The following SYMPK variants were observed in gnomAD, a reference collection of about 807,000 sequenced individuals.
SYMPK encodes symplekin scaffold protein.
SYMPK carries 49 observed loss-of-function variants against 136.4 expected under a neutral mutation model. That is an observed-to-expected ratio of 0.36 (90% confidence interval 0.29 to 0.46). The LOEUF (loss-of-function observed/expected upper bound fraction) is 0.46, where lower values mean the gene tolerates loss of function less well. Ranked by LOEUF, SYMPK falls within the 20% of genes least tolerant of loss-of-function variation. The pLI, the probability that SYMPK is intolerant of heterozygous loss-of-function variation, is 1.00. For synonymous variants in SYMPK, 766 were observed against 713.0 expected (o/e 1.07, Z -1.19); for missense variants, 1,365 against 1,690.0 (o/e 0.81, Z 3.37).
At chr19:45,839,441 A>G (rs1163367106) in intron 9 of SYMPK, among the ~76,000 whole-genome samples, 2 of 152,202 alleles carry the variant, frequency 1.3e-5, no homozygotes, top group East Asian at 1.9e-4. Flanking sequence ...GGGAAGAAGA[A>G]GAGAAAGTTC....
intron 23 of SYMPK, 43 bp from the exon 24 acceptor site, chr19:45,817,017 C>A (rs1404623589): frequency 6.5e-6 from 10 of 1,538,466 alleles, no homozygotes; most frequent in East Asian, 4.9e-5. Flanking sequence ...GGCACACAGG[C>A]ATCCCCCCGA....
At position 45,816,886 on chromosome 19, in the gene SYMPK, G is replaced by A; in HGVS notation, c.3170C>T (p.Pro1057Leu). Residue 1057 changes from proline (P) to leucine (L), a missense_variant, in exon 24 of 27, where the codon CCG (proline) becomes CTG (leucine). By Grantham distance (98) the Pro-to-Leu change is moderately conservative. This residue lies in a region of SYMPK where 156 missense variants were observed against 217.8 expected (regional missense o/e 0.72). Transcript: ENST00000245934. The part of the protein sequence containing the change: ...PQSFQVILQL[P>L]PQQLGAVFDK... ...AAAGACGGCTCCCAGCTGCTGGGGC[G>A]GCAGCTGCAGGATGACCTGGAAGCT... is the stretch of plus-strand genomic sequence containing the variant. The A allele has an allele frequency of 6.4e-6, 10 of 1,551,508 alleles. No homozygotes were observed. Among genetic ancestry groups the A allele is most frequent in the South Asian group, 1.2e-5 (1 of 84,142 alleles).
chr19:45,857,219 C>T (rs1042425271), intron 1 of SYMPK, among the ~76,000 whole-genome samples: 2 of 151,416 alleles, frequency 1.3e-5, no homozygotes, highest in Non-Finnish European at 2.9e-5. Context: ...ACCATCCTGG[C>T]TAACAAGGTG....
chr19:45,842,276 T>C lies in SYMPK; in HGVS notation c.1061A>G (p.Asp354Gly), dbSNP rs1971458295. ...CAGCTTCATCTTCTTGAGTGTGGAG[T>C]CCGAGTCATCGCGGGGCCGCTTGCG... ...DTRKRPRDDS[D>G]STLKKMKLEP... The change falls in exon 9 of 27, where the codon GAC (aspartate) becomes GGC (glycine). Residue 354 changes from aspartate to glycine, a missense_variant. Transcript: ENST00000245934. The C allele has an allele frequency of 1.2e-6, 2 of 1,614,022 alleles. No homozygotes were observed. Among genetic ancestry groups the C allele is most frequent in the Non-Finnish European group, 1.7e-6 (2 of 1,180,036 alleles).
Position 45,851,201 on chromosome 19 carries a change from C to T in SYMPK, c.299+1111G>A, listed in dbSNP as rs140493355. ...CAAGAGTGGAAGCGGGAAATGAGTG[C>T]GGTGATTCCTCTTTGGGGGATGAAA... On this transcript the variant is annotated intron_variant, in intron 5 of 26. Coordinates refer to ENST00000245934, the MANE Select transcript of SYMPK (RefSeq NM_004819.3). 9.0e-3 allele frequency among the ~76,000 whole-genome samples: 1,375 copies of T among 152,230 alleles called. 12 individuals are homozygous for T. Among genetic ancestry groups the T allele is most frequent in the Non-Finnish European group, 0.015 (1,040 of 68,008 alleles).
chr19:45,856,902 A>T (rs1214575896), intron 1 of SYMPK, among the ~76,000 whole-genome samples: 1 of 152,064 alleles, frequency 6.6e-6, no homozygotes, highest in East Asian at 1.9e-4. Context: ...AGAACACCTG[A>T]GGTCAGGAGT....
In SYMPK at chr19:45,859,766, G is replaced by A. The variant is rs141969724; in HGVS notation, c.-13+3292C>T. Among the ~76,000 whole-genome samples, 107 of 151,816 alleles carry A rather than the reference G, an allele frequency of 7.0e-4. 2 individuals carry two copies. The East Asian group carries it at 0.02, about 28-fold the overall frequency. On this transcript the variant is annotated intron_variant, in intron 1 of 26. Transcript: ENST00000245934. Reference sequence around the variant, plus strand: ...CCTAAAAACTAAAAAAGAAGGCCAGGTGCAGGGGTTCATGCCTATAATCCC... The same window carrying A: ...CCTAAAAACTAAAAAAGAAGGCCAGATGCAGGGGTTCATGCCTATAATCCC...
At chr19:45,825,719 CCATTCTAA>C (rs977287547) in intron 17 of SYMPK, among the ~76,000 whole-genome samples, 2 of 152,174 alleles carry the variant, frequency 1.3e-5, no homozygotes, top group African/African-American at 4.8e-5. Flanking sequence ...GGTCACATAC[CCATTCTAA>C]CAGTCCCGAG....
chr19:45,848,928 T>TAGG, intron 5 of SYMPK, 52 bp from the exon 6 acceptor site: 1 of 1,610,434 alleles, frequency 6.2e-7, no homozygotes, highest in Non-Finnish European at 8.5e-7. Flanking sequence ...TTAGAGCAAG[T>TAGG]AGGAGGAGCC....
intron 10 of SYMPK, among the ~76,000 whole-genome samples, chr19:45,836,587 C>A (rs545846334): frequency 1.3e-5 from 2 of 151,472 alleles, no homozygotes; most frequent in South Asian, 2.1e-4. Context: ...GCTGAGACTG[C>A]GCCACTACAC....
chr19:45,818,730 C>T (rs1474656741), intron 22 of SYMPK, among the ~76,000 whole-genome samples: 3 of 152,094 alleles, frequency 2.0e-5, no homozygotes, highest in South Asian at 4.1e-4. Flanking sequence ...GATGACCCCC[C>T]GACTCAACAC....
Position 45,828,057 on chromosome 19 carries a change from G to A in SYMPK, c.1986-139C>T, listed in dbSNP as rs547044113. The A allele has an allele frequency of 6.5e-5, 46 of 711,176 alleles. No individual in the cohort carries two copies. In the Admixed American group the frequency reaches 7.6e-4, roughly 12 times the overall value. The allele number at this position is 711,176 out of a possible 1,614,324, so 44.1% of individuals were successfully genotyped here. ...TTCAAGCCCCTGCTTATAAAGCTTT[G>A]GAGGTGAACAGAACAGGGTTCAAAA... On this transcript the variant is annotated intron_variant, in intron 14 of 26. Coordinates refer to ENST00000245934, the MANE Select transcript of SYMPK (RefSeq NM_004819.3).
intron 9 of SYMPK, 126 bp downstream of exon 9, chr19:45,842,124 C>T: frequency 6.9e-7 from 1 of 1,447,304 alleles, no homozygotes. Context: ...GTGTGAGCCA[C>T]TGTGCCTGGC....
chr19:45,843,775 T>A (rs1971498129), intron 8 of SYMPK, among the ~76,000 whole-genome samples: 1 of 151,532 alleles, frequency 6.6e-6, no homozygotes, highest in South Asian at 2.1e-4. Flanking sequence ...TGAAACCCCG[T>A]CTCTACTAAA....
At chr19:45,860,480 A>G (rs1971938718) in intron 1 of SYMPK, among the ~76,000 whole-genome samples, 2 of 59,528 alleles carry the variant, frequency 3.4e-5, no homozygotes, top group Admixed American at 3.3e-4. Flanking sequence ...AAAAAGAAAA[A>G]AAACCCACAC....
rs751965602 is a variant in SYMPK at position 45,829,064 on chromosome 19, G to A, written c.1891C>T (p.Leu631=). The A allele has an allele frequency of 5.0e-6, 8 of 1,614,216 alleles. No homozygotes were observed. The South Asian group carries it at 8.8e-5, about 18-fold the overall frequency. The change falls in exon 14 of 27, where the codon CTG becomes TTG. Residue 631 remains leucine (L), a synonymous_variant. Transcript: ENST00000245934. ...AWLYQEYNAY[L]AAGASGSLDK... is the part of the protein sequence containing the mutation. ...AGGGAGCCCGAGGCACCTGCGGCCA[G>A]GTAGGCGTTGTACTCCTGGTAGAGC...
Position 45,854,106 on chromosome 19 carries a change from G to A in SYMPK, c.171+69C>T, listed in dbSNP as rs113039974. The A allele has an allele frequency of 2.1e-4, 311 of 1,459,302 alleles. 1 individual carries two copies. The African/African-American group carries it at 3.4e-3, about 16-fold the overall frequency. 90.4% of individuals were successfully genotyped at this position (1,459,302 alleles called of 1,614,324 possible). Reference sequence around the variant, plus strand: ...AATGTGGACACTGGTGTTACTGCAAGTGTCTTTCTCAGGTTCCCAGCCTCC... The same window carrying A: ...AATGTGGACACTGGTGTTACTGCAAATGTCTTTCTCAGGTTCCCAGCCTCC... On this transcript the variant is annotated intron_variant, in intron 3 of 26. Transcript: ENST00000245934.
chr19:45,834,379 A>G (rs1971253064), intron 11 of SYMPK, among the ~76,000 whole-genome samples: 1 of 152,108 alleles, frequency 6.6e-6, no homozygotes, highest in Non-Finnish European at 1.5e-5. Flanking sequence ...GAATCATTTG[A>G]ACTTGGGAGG....
intron 7 of SYMPK, among the ~76,000 whole-genome samples, chr19:45,844,900 T>G (rs1445996241): frequency 6.6e-6 from 1 of 152,122 alleles, no homozygotes; most frequent in Non-Finnish European, 1.5e-5. Context: ...TTAAAAAATT[T>G]TAATGGGTAT....
Sources: allele counts gnomAD v4.1 joint callset (sites outside exome capture counted in the v4.1 genomes callset), GRCh38; gene constraint gnomAD v4.1.1; regional missense constraint gnomAD v4.1.1; transcripts MANE v1.5; gene names NCBI Gene and HGNC (gene_info 2026-07-23, HGNC 2026-07-21).